Variants in ABR observed in about 807,000 individuals in gnomAD.
ABR encodes the protein active breakpoint cluster region-related protein.
ABR carries 35 observed loss-of-function variants against 107.2 expected under a neutral mutation model. That is an observed-to-expected ratio of 0.33 (90% CI 0.25 to 0.43). ABR has a LOEUF of 0.43. Among genes scored for constraint, ABR ranks in the 20% least tolerant of loss-of-function variants. The probability of loss-of-function intolerance (pLI) is 1.00; values close to 1 mark genes in which losing one functional copy is unlikely to be tolerated. For missense variants in ABR, 815 were observed against 1,115.2 expected (o/e 0.73, Z 3.83); for synonymous variants, 498 against 462.0 (o/e 1.08, Z -1.00).
intron 3 of ABR, among the ~76,000 whole-genome samples, chr17:1,097,372 C>T (rs1007407991): frequency 6.6e-6 from 1 of 152,078 alleles, no homozygotes; most frequent in African/African-American, 2.4e-5. Flanking sequence ...GGGCGGATCA[C>T]TTGAGGTCAG....
intron 1 of ABR, among the ~76,000 whole-genome samples, chr17:1,192,584 C>T (rs1408904813): frequency 6.6e-6 from 1 of 151,716 alleles, no homozygotes; most frequent in Non-Finnish European, 1.5e-5. Context: ...CAAGACCAGC[C>T]TGGCCAACAT....
intron 14 of ABR, 144 bp downstream of exon 14, chr17:1,055,891 T>C: frequency 1.4e-6 from 1 of 718,444 alleles, no homozygotes; most frequent in South Asian, 1.7e-5. Flanking sequence ...AGGCCAGGGG[T>C]GACCTCCCTG....
intron 1 of ABR, among the ~76,000 whole-genome samples, chr17:1,227,660 C>A (rs9890978): frequency 0.1 from 15,387 of 152,062 alleles, 2,111 homozygotes; most frequent in African/African-American, 0.31. Flanking sequence ...TCCTCCTTCA[C>A]TGAGCAGGAA....
chr17:1,079,311 A>T lies in ABR; in HGVS notation c.700+19T>A. 1 of 1,611,788 alleles carries T rather than the reference A, an allele frequency of 6.2e-7. No individual in the cohort carries two copies. Among genetic ancestry groups the T allele is most frequent in the Non-Finnish European group, 8.5e-7 (1 of 1,178,874 alleles). ...AGACAAAGGTAGGTGCCTGTAATCC[A>T]GCCCGCTCCCCGAGGTACCTTCCAT... On this transcript the variant is annotated intron_variant, in intron 6 of 22. Transcript: ENST00000302538.
Position 1,050,342 on chromosome 17 carries a change from G to T in ABR, c.1660-161C>A, listed in dbSNP as rs1362167431. The stretch of plus-strand genomic sequence containing the variant: ...TCCCAGAGGCCTCCCATCACCCCTG[G>T]AGTCTGGGGGCCTGAGCTGACACCA... On this transcript the variant is annotated intron_variant, in intron 15 of 22. Coordinates refer to ENST00000302538, the MANE Select transcript of ABR (RefSeq NM_021962.5). This position sits in a 1 kb window ranked among gnomAD's most constrained non-coding sequence, Gnocchi z 4.6. Among the ~76,000 whole-genome samples, 2 of 152,140 alleles carry T rather than the reference G, an allele frequency of 1.3e-5. No individual in the cohort carries two copies. Among genetic ancestry groups the T allele is most frequent in the African/African-American group, 2.4e-5 (1 of 41,424 alleles).
chr17:1,196,839 C>T (rs1233916763), intron 1 of ABR, among the ~76,000 whole-genome samples: 4 of 152,028 alleles, frequency 2.6e-5, no homozygotes, highest in South Asian at 2.1e-4. Context: ...GGACTACAGG[C>T]GCCCACCACC....
chr17:1,036,984 T>TTTCC (rs1480094911), intron 16 of ABR, among the ~76,000 whole-genome samples: 2 of 151,842 alleles, frequency 1.3e-5, no homozygotes, highest in African/African-American at 2.4e-5. Context: ...TGTTTCTTTC[T>TTTCC]TTCCTTCCTT....
At chr17:1,198,112 A>G (rs955100367) in intron 1 of ABR, among the ~76,000 whole-genome samples, 1 of 151,648 alleles carries the variant, frequency 6.6e-6, no homozygotes, top group African/African-American at 2.4e-5. Context: ...CCCTGCCACA[A>G]CTAACCAGAA....
chr17:1,032,436 G>A (rs1295679382), intron 16 of ABR, among the ~76,000 whole-genome samples: 3 of 152,192 alleles, frequency 2.0e-5, no homozygotes, highest in Admixed American at 6.5e-5. Context: ...GCAAAAGCCC[G>A]AAACGACGCG....
rs781502533 is a variant in ABR at position 1,150,409 on chromosome 17, T to C, written c.62-25042A>G. Among the ~76,000 whole-genome samples, 21 of 152,182 alleles carry C rather than the reference T, an allele frequency of 1.4e-4. No homozygotes were observed. Among genetic ancestry groups the C allele is most frequent in the Non-Finnish European group, 2.6e-4 (18 of 68,036 alleles). ...TTGCGGTAGACACTGTCCTGTATGA[T>C]TCCACTCTGAAGAGGTGCTCAGAGC... is the stretch of plus-strand genomic sequence containing the variant. On this transcript the variant is annotated intron_variant, in intron 1 of 22. Transcript: ENST00000302538. This position sits in a 1 kb window ranked among gnomAD's most constrained non-coding sequence, Gnocchi z 4.8.
At chr17:1,064,852 C>G (rs56091444) in intron 10 of ABR, among the ~76,000 whole-genome samples, 1 of 127,298 alleles carries the variant, frequency 7.9e-6, no homozygotes, top group African/African-American at 2.9e-5. Flanking sequence ...GTTACATGAA[C>G]TGAGGGCTAT....
intron 2 of ABR, among the ~76,000 whole-genome samples, chr17:1,112,231 C>G (rs2038714983): frequency 6.6e-6 from 1 of 152,230 alleles, no homozygotes; most frequent in Admixed American, 6.5e-5. Context: ...GGGGCCCTTG[C>G]CGTTCTCAGG....
chr17:1,229,593 G>T (rs1366439653), exon 1 of ABR, among the ~76,000 whole-genome samples: 1 of 151,618 alleles, frequency 6.6e-6, no homozygotes, highest in Non-Finnish European at 1.5e-5. Context: ...GGGGAACTCG[G>T]CCCGCCAGCG....
At chr17:1,183,925 G>C (rs2042213076), upstream of ABR, among the ~76,000 whole-genome samples, 2 of 152,248 alleles carry the variant, frequency 1.3e-5, no homozygotes, top group East Asian at 1.9e-4. Flanking sequence ...TAAAAGCTGG[G>C]ACTGGCCAGG....
chr17:1,164,217 C>T (rs1371964164), intron 1 of ABR, among the ~76,000 whole-genome samples: 3 of 148,664 alleles, frequency 2.0e-5, no homozygotes, highest in Non-Finnish European at 4.4e-5. Flanking sequence ...AACTGCAAGA[C>T]GCCCAGTGAA....
intron 1 of ABR, among the ~76,000 whole-genome samples, chr17:1,216,178 T>TA (rs1023612849): frequency 9.6e-4 from 137 of 143,270 alleles, no homozygotes; most frequent in Admixed American, 1.5e-3. Context: ...CAATAAATAC[T>TA]AAAAAAAAAA....
intron 1 of ABR, among the ~76,000 whole-genome samples, chr17:1,163,340 T>C (rs2041381820): frequency 6.6e-6 from 1 of 152,246 alleles, no homozygotes; most frequent in African/African-American, 2.4e-5. Flanking sequence ...TCAATGTTTC[T>C]GTGACAATTC....
rs1484602745 is a variant in ABR at position 1,057,305 on chromosome 17, GGTTTGTGTGTGTGTGTGTGTGTGT to G, written c.1382-227_1382-204del. ...CAGAGTAGGAGAATCTAACTGAAGA[GGTTTGTGTGTGTGTGTGTGTGTGT>G]GTGTGTGTGTGTGTGTGTGTGTGTG... On this transcript the variant is annotated intron_variant, in intron 12 of 22. Transcript: ENST00000302538. 8.4e-3 allele frequency among the ~76,000 whole-genome samples: 1,140 copies of G among 136,400 alleles called. 61 individuals carry two copies. Among genetic ancestry groups the G allele is most frequent in the African/African-American group, 0.022 (788 of 36,030 alleles). The allele number at this position is 136,400 out of a possible 152,430, so 89.5% of individuals were successfully genotyped here.
chr17:1,175,829 C>T (rs1461871386), intron 1 of ABR, among the ~76,000 whole-genome samples: 1 of 152,156 alleles, frequency 6.6e-6, no homozygotes, highest in South Asian at 2.1e-4. Flanking sequence ...CGGTGGCTCA[C>T]GCCTGTAATC....
Sources: gnomAD v4.1 joint callset for allele counts (sites outside exome capture counted in the v4.1 genomes callset) on GRCh38, gnomAD v4.1.1 for gene constraint, Gnocchi (gnomAD v3.1) non-coding constraint, MANE v1.5 for transcripts, NCBI Gene and HGNC (gene_info 2026-07-23, HGNC 2026-07-21) for gene names.